Variants in MAP2K6 observed in about 807,000 individuals in gnomAD.
MAP2K6 encodes dual specificity mitogen-activated protein kinase kinase 6.
Under a neutral mutation model 53.7 loss-of-function variants are expected in MAP2K6, and 16 were observed. The ratio of observed to expected loss-of-function variants is 0.30; its 90% CI spans 0.20 to 0.45. MAP2K6 has a LOEUF of 0.45. MAP2K6 is among the 20% of genes least tolerant of loss of function. MAP2K6 has a pLI of 1.00. For synonymous variants in MAP2K6, 132 were observed against 143.1 expected, an observed-to-expected ratio of 0.92 and a Z score of 0.55; for missense variants, 204 against 411.9, an observed-to-expected ratio of 0.50 and a Z score of 4.37.
chr17:69,521,027 C>G (rs572550194), intron 6 of MAP2K6, 22 bp from the exon 7 acceptor site: 2 of 1,566,934 alleles, frequency 1.3e-6, no homozygotes, highest in Non-Finnish European at 1.7e-6. Context: ...ATAAATAAAT[C>G]TATCTTGTGT....
At position 69,541,696 on chromosome 17, in the gene MAP2K6, A is replaced by C; in HGVS notation, c.948A>C (p.Leu316=). 6.2e-7 allele frequency: 1 copy of C among 1,612,428 alleles called. No homozygotes were observed. The highest frequency in any genetic ancestry group is 8.5e-7 in the Non-Finnish European group (1 of 1,178,836). ...PELMQHPFFT[L]HESKGTDVAS... is the part of the protein sequence containing the mutation. Reference sequence around the variant, plus strand: ...TCCAGCAACATCCATTTTTCACCCTACATGAATCCAAAGGAACAGATGTGG... The same window carrying C: ...TCCAGCAACATCCATTTTTCACCCTCCATGAATCCAAAGGAACAGATGTGG... The change falls in exon 12 of 12, where the codon CTA becomes CTC. Residue 316 remains leucine (L), a synonymous_variant. Transcript: ENST00000590474.
At chr17:69,436,563 A>G (rs1320794596) in intron 1 of MAP2K6, among the ~76,000 whole-genome samples, 3 of 152,230 alleles carry the variant, frequency 2.0e-5, no homozygotes, top group Non-Finnish European at 2.9e-5. Flanking sequence ...TATTTTTATC[A>G]GTATCCAGGG....
rs142231529 is a variant in MAP2K6 at position 69,475,476 on chromosome 17, G to A, written c.17-30304G>A. On this transcript the variant is annotated intron_variant, in intron 1 of 11. Coordinates refer to ENST00000590474, the MANE Select transcript of MAP2K6 (RefSeq NM_002758.4). ...AGCCACCGCGCCCGGCCCTGTGTTT[G>A]TTTAAAAATGAAAATGGTTCTAAAC... Among the ~76,000 whole-genome samples, 400 of 152,316 alleles carry A rather than the reference G, an allele frequency of 2.6e-3. 4 individuals are homozygous for A. The highest frequency in any genetic ancestry group is 9.2e-3 in the African/African-American group (381 of 41,572).
chr17:69,512,339 G>GTTTTTTTTTTTTTTTTTTTTT (rs746993199), intron 2 of MAP2K6, among the ~76,000 whole-genome samples: 2 of 82,134 alleles, frequency 2.4e-5, no homozygotes, highest in African/African-American at 5.2e-5. Flanking sequence ...TTTTTTTTTT[G>GTTTTTTTTTTTTTTTTTTTTT]TTTTTTTTTT....
At chr17:69,477,730 T>A (rs1908201225) in intron 1 of MAP2K6, among the ~76,000 whole-genome samples, 1 of 152,216 alleles carries the variant, frequency 6.6e-6, no homozygotes, top group Non-Finnish European at 1.5e-5. Context: ...AAAGTTCAGT[T>A]TCTCGTCTGC....
intron 1 of MAP2K6, among the ~76,000 whole-genome samples, chr17:69,439,278 C>T (rs1010394726): frequency 6.6e-6 from 1 of 152,162 alleles, no homozygotes; most frequent in Non-Finnish European, 1.5e-5. Flanking sequence ...TTGAGTTTGC[C>T]TCTTTTCTTA....
intron 1 of MAP2K6, among the ~76,000 whole-genome samples, chr17:69,428,077 C>T (rs1056812502): frequency 2.6e-5 from 4 of 152,310 alleles, no homozygotes; most frequent in South Asian, 4.1e-4. Flanking sequence ...ATCTGTACCT[C>T]ACTCTGTGCT....
intron 1 of MAP2K6, among the ~76,000 whole-genome samples, chr17:69,436,019 TA>T (rs10610258): frequency 0.021 from 3,029 of 144,688 alleles, 91 homozygotes; most frequent in African/African-American, 0.065. Context: ...CGATTTAAAA[TA>T]AAAAAAAAAA....
chr17:69,425,408 G>C (rs1906239329), intron 1 of MAP2K6, among the ~76,000 whole-genome samples: 2 of 152,066 alleles, frequency 1.3e-5, no homozygotes, highest in South Asian at 4.1e-4. Context: ...CGCCTCCCGG[G>C]TTCAAGTGAT....
At chr17:69,468,327 A>G (rs956866194) in intron 1 of MAP2K6, among the ~76,000 whole-genome samples, 4 of 152,052 alleles carry the variant, frequency 2.6e-5, no homozygotes, top group East Asian at 3.9e-4. Context: ...TTCATCCTCT[A>G]TTTGACCCAC....
intron 2 of MAP2K6, among the ~76,000 whole-genome samples, chr17:69,515,625 A>G (rs1183436083): frequency 6.6e-6 from 1 of 152,228 alleles, no homozygotes; most frequent in Non-Finnish European, 1.5e-5. Flanking sequence ...GGAAGTGACT[A>G]TAGAAACAAA....
intron 1 of MAP2K6, among the ~76,000 whole-genome samples, chr17:69,502,837 C>G (rs747977730): frequency 6.6e-6 from 1 of 152,096 alleles, no homozygotes; most frequent in Non-Finnish European, 1.5e-5. Context: ...AACTTTCTCT[C>G]TTTTTTACTG....
At chr17:69,514,985 T>C (rs1567849140) in intron 2 of MAP2K6, among the ~76,000 whole-genome samples, 1 of 152,202 alleles carries the variant, frequency 6.6e-6, no homozygotes, top group Non-Finnish European at 1.5e-5. Context: ...CACTTTCATC[T>C]TTCCATTTTC....
intron 1 of MAP2K6, among the ~76,000 whole-genome samples, chr17:69,479,287 T>C (rs141937358): frequency 0.017 from 2,628 of 152,240 alleles, 43 homozygotes; most frequent in South Asian, 0.041. Context: ...GCATCCCTAA[T>C]CTGAAAAGCT....
chr17:69,526,797 C>A, intron 10 of MAP2K6, 88 bp downstream of exon 10: 1 of 1,447,378 alleles, frequency 6.9e-7, no homozygotes. Flanking sequence ...ATCCATCATG[C>A]ATACATTCAT....
rs57849557 is a variant in MAP2K6, at chr17:69,553,087, A to T, written c.*11334A>T. On this transcript the variant is annotated 3_prime_UTR_variant, in exon 12 of 12. Coordinates refer to ENST00000590474, the MANE Select transcript of MAP2K6 (RefSeq NM_002758.4). ...CACCTGTCCTGGGTCCCTATTCTTG[A>T]GAAATTCATCTTTTCATGCAAATAA... The T allele has an allele frequency of 1.1e-4, 17 of 152,328 alleles. No individual in the cohort carries two copies. The highest frequency in any genetic ancestry group is 3.8e-4 in the African/African-American group (16 of 41,574). The allele number at this position is 152,328 out of a possible 1,614,324, so 9.4% of individuals were successfully genotyped here. A position where few individuals can be genotyped will look rare whatever the true frequency, so the allele number is the denominator to read the frequency against.
rs1239552097 is a variant in MAP2K6 at position 69,549,652 on chromosome 17, T to G, written c.*7899T>G. 1 of 152,178 alleles carries G rather than the reference T, an allele frequency of 6.6e-6. No homozygotes were observed. The highest frequency in any genetic ancestry group is 1.5e-5 in the Non-Finnish European group (1 of 68,026). 9.4% of individuals were successfully genotyped at this position (152,178 alleles called of 1,614,324 possible). Reference sequence around the variant, plus strand: ...TCTAAGAAAAGTTTAAGCAAAACCCTCATTCCAAACATGCGACCTTATAAT... The same window carrying G: ...TCTAAGAAAAGTTTAAGCAAAACCCGCATTCCAAACATGCGACCTTATAAT... On this transcript the variant is annotated 3_prime_UTR_variant, in exon 12 of 12. Transcript: ENST00000590474.
intron 2 of MAP2K6, 126 bp from the exon 3 acceptor site, chr17:69,516,729 C>G: frequency 4.5e-6 from 3 of 673,406 alleles, no homozygotes. Flanking sequence ...TCATAGGCTG[C>G]TTTAGTTTAC....
intron 4 of MAP2K6, among the ~76,000 whole-genome samples, chr17:69,519,028 T>A (rs2145255100): frequency 6.6e-6 from 1 of 152,346 alleles, no homozygotes; most frequent in Middle Eastern, 3.4e-3. Context: ...CATAATACAG[T>A]AAACCAGATT....
Sources: gnomAD v4.1 joint callset for allele counts (sites outside exome capture counted in the v4.1 genomes callset) on GRCh38, gnomAD v4.1.1 for gene constraint, MANE v1.5 for transcripts, NCBI Gene and HGNC (gene_info 2026-07-23, HGNC 2026-07-21) for gene names.